Variants in BCAS3 observed in about 807,000 individuals in gnomAD.
BCAS3 encodes the protein BCAS3 microtubule associated cell migration factor.
Under a neutral mutation model 116.1 loss-of-function variants are expected in BCAS3, and 53 were observed. The ratio of observed to expected loss-of-function variants is 0.46; its 90% CI spans 0.37 to 0.57. The LOEUF is 0.57. BCAS3 is among the 20% of genes least tolerant of loss of function. The pLI is 0.00. For synonymous variants in BCAS3, 391 were observed against 408.2 expected, an observed-to-expected ratio of 0.96 and a Z score of 0.51; for missense variants, 917 against 1,165.4, an observed-to-expected ratio of 0.79 and a Z score of 3.10.
At chr17:61,247,951 C>A (rs773052881) in intron 22 of BCAS3, among the ~76,000 whole-genome samples, 1 of 152,218 alleles carries the variant, frequency 6.6e-6, no homozygotes, top group South Asian at 2.1e-4. Context: ...GTGGTTACAA[C>A]TTGCGGCATT....
intron 7 of BCAS3, among the ~76,000 whole-genome samples, chr17:60,838,199 C>T (rs1351876698): frequency 1.3e-5 from 2 of 151,948 alleles, no homozygotes; most frequent in African/African-American, 4.8e-5. Flanking sequence ...ACAACATGTG[C>T]ATAGTTCCCG....
chr17:61,172,799 C>A (rs1013169213), intron 22 of BCAS3, among the ~76,000 whole-genome samples: 8 of 151,202 alleles, frequency 5.3e-5, no homozygotes, highest in Admixed American at 4.6e-4. Context: ...TCCTGGCTAA[C>A]ACGGTGAAAC....
Position 61,239,054 on chromosome 17 carries a change from A to G in BCAS3, c.2426-129273A>G, listed in dbSNP as rs763423913. On this transcript the variant is annotated intron_variant, in intron 22 of 23. Transcript: ENST00000407086. The surrounding 1 kb of genome is among the most constrained non-coding windows in gnomAD (Gnocchi z 4.2). The stretch of plus-strand genomic sequence containing the variant: ...GTATATTTTTAGCAATAGAAGCAAT[A>G]TAGCATACCTTTGAGCCAGTTTTTC... Among the ~76,000 whole-genome samples, 1 of 152,256 alleles carries G rather than the reference A, an allele frequency of 6.6e-6. No homozygotes were observed. Among genetic ancestry groups the G allele is most frequent in the Non-Finnish European group, 1.5e-5 (1 of 68,038 alleles).
rs907504451 is a variant in BCAS3 at position 61,136,433 on chromosome 17, G to A, written c.2425+51869G>A. Among the ~76,000 whole-genome samples the A allele has an allele frequency of 5.3e-5, 8 of 152,292 alleles. No individual in the cohort carries two copies. In the Middle Eastern group the frequency reaches 0.01, roughly 194 times the overall value. ...TTTTGGACTGGACAATTCTTTGTGT[G>A]CAGCTGTTTTATGCATCATATAGGA... is the stretch of plus-strand genomic sequence containing the variant. On this transcript the variant is annotated intron_variant, in intron 22 of 23. Transcript: ENST00000407086. The surrounding 1 kb of genome is among the most constrained non-coding windows in gnomAD (Gnocchi z 4.4).
intron 15 of BCAS3, among the ~76,000 whole-genome samples, chr17:60,997,481 G>A (rs1031876741): frequency 1.2e-4 from 19 of 152,128 alleles, no homozygotes; most frequent in African/African-American, 4.3e-4. Flanking sequence ...AAGGAAATGG[G>A]TAGTGAGGAT....
intron 22 of BCAS3, among the ~76,000 whole-genome samples, chr17:61,269,404 C>T (rs914621863): frequency 2.6e-5 from 4 of 152,090 alleles, no homozygotes; most frequent in Non-Finnish European, 5.9e-5. Context: ...CATGAGCCAC[C>T]GCGCCCGGCC....
intron 5 of BCAS3, among the ~76,000 whole-genome samples, chr17:60,744,363 A>G (rs1351605845): frequency 6.6e-6 from 1 of 152,222 alleles, no homozygotes; most frequent in Non-Finnish European, 1.5e-5. Flanking sequence ...CACTTATTTG[A>G]AGGCAAAATT....
intron 6 of BCAS3, among the ~76,000 whole-genome samples, chr17:60,782,262 G>T (rs1193358952): frequency 6.6e-6 from 1 of 152,082 alleles, no homozygotes; most frequent in Non-Finnish European, 1.5e-5. Context: ...AGTTTATAAA[G>T]ATTTTATGTT....
At chr17:60,928,986 G>A (rs1463392868) in intron 13 of BCAS3, among the ~76,000 whole-genome samples, 1 of 152,076 alleles carries the variant, frequency 6.6e-6, no homozygotes, top group African/African-American at 2.4e-5. Context: ...CAGTAGCTGG[G>A]TTTTTTCCCT....
rs1250739404 is a variant in BCAS3, at chr17:61,368,307, A to C, written c.2426-20A>C. On this transcript the variant is annotated intron_variant, in intron 22 of 23. Transcript: ENST00000407086. The surrounding 1 kb of genome is among the most constrained non-coding windows in gnomAD (Gnocchi z 6.0). ...CCTGAAGGTGTGGACTCAACGTCAGATGTCCCGTGTGTGCCACAGGTACCT... is the reference window on the plus strand; with the variant it reads ...CCTGAAGGTGTGGACTCAACGTCAGCTGTCCCGTGTGTGCCACAGGTACCT... 4 of 1,573,970 alleles carry C rather than the reference A, an allele frequency of 2.5e-6. No homozygotes were observed. The highest frequency in any genetic ancestry group is 3.5e-6 in the Non-Finnish European group (4 of 1,151,124).
chr17:61,003,612 C>A (rs1419658108), intron 15 of BCAS3, among the ~76,000 whole-genome samples: 1 of 151,766 alleles, frequency 6.6e-6, no homozygotes, highest in Non-Finnish European at 1.5e-5. Context: ...GATTTTCAAC[C>A]CTTGACTGTC....
intron 22 of BCAS3, among the ~76,000 whole-genome samples, chr17:61,109,213 T>G (rs1465260862): frequency 6.6e-6 from 1 of 150,666 alleles, no homozygotes; most frequent in Non-Finnish European, 1.5e-5. Context: ...AGAATAATAG[T>G]CCCCAGTTCC....
chr17:61,281,309 C>T lies in BCAS3; in HGVS notation c.2426-87018C>T, dbSNP rs2051225267. ...AAAGTAAATATTTTATATCTTAGGA[C>T]ATTTGTGTAATTTCATCTGTATAAA... On this transcript the variant is annotated intron_variant, in intron 22 of 23. Transcript: ENST00000407086. The surrounding 1 kb of genome is among the most constrained non-coding windows in gnomAD (Gnocchi z 4.2). Among the ~76,000 whole-genome samples, 1 of 152,106 alleles carries T rather than the reference C, an allele frequency of 6.6e-6. No individual in the cohort carries two copies. The highest frequency in any genetic ancestry group is 2.4e-5 in the African/African-American group (1 of 41,424).
intron 14 of BCAS3, among the ~76,000 whole-genome samples, chr17:60,947,900 A>C (rs2060603935): frequency 6.6e-6 from 1 of 152,048 alleles, no homozygotes; most frequent in East Asian, 1.9e-4. Context: ...GGACTATTTG[A>C]TCATGAAAAT....
rs920316810 is a variant in BCAS3, at chr17:61,243,718, G to C, written c.2426-124609G>C. 9.2e-5 allele frequency among the ~76,000 whole-genome samples: 14 copies of C among 152,126 alleles called. No homozygotes were observed. The highest frequency in any genetic ancestry group is 3.4e-4 in the African/African-American group (14 of 41,442). On this transcript the variant is annotated intron_variant, in intron 22 of 23. Coordinates refer to ENST00000407086, the MANE Select transcript of BCAS3 (RefSeq NM_017679.5). The surrounding 1 kb of genome is among the most constrained non-coding windows in gnomAD (Gnocchi z 5.6). ...CCTGCCAGAAATATCCATCATGGAC[G>C]AAGTGACTGCTAGAGACTTCAGGGA...
Position 61,392,694 on chromosome 17 carries a change from A to C in BCAS3, c.*569A>C, listed in dbSNP as rs2286530. ...TCCTCCTTTCTTTCCCCATCTGTTC[A>C]TGGGAAGAGTTTGTCTTTCTTATCT... On this transcript the variant is annotated 3_prime_UTR_variant, in exon 24 of 24. Transcript: ENST00000407086. The surrounding 1 kb of genome is among the most constrained non-coding windows in gnomAD (Gnocchi z 6.4). 129,148 of 153,434 alleles carry C rather than the reference A, an allele frequency of 0.84. 54,649 individuals carry two copies. The highest frequency in any genetic ancestry group is 0.94 in the East Asian group (4,871 of 5,162). 9.5% of individuals were successfully genotyped at this position (153,434 alleles called of 1,614,324 possible). A position where few individuals can be genotyped will look rare whatever the true frequency, so the allele number is the denominator to read the frequency against.
intron 13 of BCAS3, among the ~76,000 whole-genome samples, chr17:60,933,794 A>G (rs1034830852): frequency 1.3e-5 from 2 of 152,232 alleles, no homozygotes; most frequent in African/African-American, 4.8e-5. Flanking sequence ...TATCACTACC[A>G]GACACCTATA....
rs138522801 is a variant in BCAS3 at position 60,750,115 on chromosome 17, C to T, written c.403+2836C>T. Among the ~76,000 whole-genome samples, 843 of 151,232 alleles carry T rather than the reference C, an allele frequency of 5.6e-3. 11 individuals carry two copies. Among genetic ancestry groups the T allele is most frequent in the South Asian group, 0.017 (82 of 4,772 alleles). On this transcript the variant is annotated intron_variant, in intron 6 of 23. Transcript: ENST00000407086. ...TTGGGAGGCAGAGGTTGCAGTGAGCCGAGGTAGCACCATTGCATTCCAGTC... is the reference window on the plus strand; with the variant it reads ...TTGGGAGGCAGAGGTTGCAGTGAGCTGAGGTAGCACCATTGCATTCCAGTC...
At chr17:61,242,796 TTCAC>T (rs1349222729) in intron 22 of BCAS3, among the ~76,000 whole-genome samples, 1 of 152,134 alleles carries the variant, frequency 6.6e-6, no homozygotes, top group Middle Eastern at 3.2e-3. Context: ...TATTGCCTCC[TTCAC>T]TGCCTTCATG....
Sources: allele counts gnomAD v4.1 joint callset (sites outside exome capture counted in the v4.1 genomes callset), GRCh38; gene constraint gnomAD v4.1.1; non-coding constraint Gnocchi (gnomAD v3.1); transcripts MANE v1.5; gene names NCBI Gene and HGNC (gene_info 2026-07-23, HGNC 2026-07-21).